HRK: variants seen among roughly 807,000 people sequenced by gnomAD.
The protein encoded by HRK is activator of apoptosis harakiri.
HRK carries 6 observed loss-of-function variants against 5.9 expected under a neutral mutation model. The observed-to-expected ratio is 1.02, with a 90% CI of 0.56 to 2.01. The LOEUF (loss-of-function observed/expected upper bound fraction) is 2.01, where lower values mean the gene tolerates loss of function less well. HRK is among the 30% of genes most tolerant of loss of function. The pLI, the probability that HRK is intolerant of heterozygous loss-of-function variation, is 0.00. For missense variants in HRK, 133 were observed against 128.3 expected, an observed-to-expected ratio of 1.04 and a Z score of -0.18; for synonymous variants, 85 against 65.1, an observed-to-expected ratio of 1.31 and a Z score of -1.47.
rs1484769067 is a variant in HRK at position 116,878,877 on chromosome 12, A to T, written c.*56+2099T>A. 6.6e-6 allele frequency among the ~76,000 whole-genome samples: 1 copy of T among 152,118 alleles called. No homozygotes were observed. Among genetic ancestry groups the T allele is most frequent in the East Asian group, 1.9e-4 (1 of 5,188 alleles). ...GGGCGGGGCGGGGGAAATAAACTCC[A>T]CAGAGACAATAACCTGCTGCTGCCC... On this transcript the variant is annotated intron_variant, in intron 1 of 1. Transcript: ENST00000257572. This position sits in a 1 kb window ranked among gnomAD's most constrained non-coding sequence, Gnocchi z 4.4.
At chr12:116,869,227 C>T (rs1878656316) in intron 1 of HRK, among the ~76,000 whole-genome samples, 1 of 152,084 alleles carries the variant, frequency 6.6e-6, no homozygotes, top group Non-Finnish European at 1.5e-5. Flanking sequence ...AGTGCTCTAC[C>T]CACCTCGGTC....
At chr12:116,877,450 G>T (rs927233104) in intron 1 of HRK, among the ~76,000 whole-genome samples, 1 of 152,172 alleles carries the variant, frequency 6.6e-6, no homozygotes, top group African/African-American at 2.4e-5. Flanking sequence ...CAGAGGTAAT[G>T]GTTCTTTCTC....
Position 116,879,785 on chromosome 12 carries a change from C to T in HRK, c.*56+1191G>A, listed in dbSNP as rs560817676. On this transcript the variant is annotated intron_variant, in intron 1 of 1. Coordinates refer to ENST00000257572, the MANE Select transcript of HRK (RefSeq NM_003806.4). The surrounding 1 kb of genome is among the most constrained non-coding windows in gnomAD (Gnocchi z 5.6). Reference sequence around the variant, plus strand: ...GCCTTTCCCCGCGGGCGCAGACGCTCGGGCCTCGCCTTCAGGCGCCGCTCC... The same window carrying T: ...GCCTTTCCCCGCGGGCGCAGACGCTTGGGCCTCGCCTTCAGGCGCCGCTCC... Among the ~76,000 whole-genome samples, 22 of 152,328 alleles carry T rather than the reference C, an allele frequency of 1.4e-4. No homozygotes were observed. Among genetic ancestry groups the T allele is most frequent in the African/African-American group, 5.3e-4 (22 of 41,598 alleles).
chr12:116,857,175 C>T lies in HRK; in HGVS notation c.*4348G>A, dbSNP rs1593000807. 2 of 152,238 alleles carry T rather than the reference C, an allele frequency of 1.3e-5. No homozygotes were observed. Among genetic ancestry groups the T allele is most frequent in the East Asian group, 3.8e-4 (2 of 5,198 alleles). 9.4% of individuals were successfully genotyped at this position (152,238 alleles called of 1,614,324 possible). A position where few individuals can be genotyped will look rare whatever the true frequency, so the allele number is the denominator to read the frequency against. ...CAGACTGGAAAGGAACATTTCACATCATCTGCTTCCGAGCAGGACTGCCCC... is the reference window on the plus strand; with the variant it reads ...CAGACTGGAAAGGAACATTTCACATTATCTGCTTCCGAGCAGGACTGCCCC... On this transcript the variant is annotated 3_prime_UTR_variant, in exon 2 of 2. Coordinates refer to ENST00000257572, the MANE Select transcript of HRK (RefSeq NM_003806.4).
intron 1 of HRK, among the ~76,000 whole-genome samples, chr12:116,863,975 T>C (rs1295368119): frequency 6.6e-6 from 1 of 152,192 alleles, no homozygotes; most frequent in Non-Finnish European, 1.5e-5. Context: ...GTGCTAGGAT[T>C]ACAGGTGTGC....
At position 116,862,766 on chromosome 12, in the gene HRK, C is replaced by G. The variant is rs1042628005; in HGVS notation, c.*57-1300G>C. Among the ~76,000 whole-genome samples, 6 of 152,244 alleles carry G rather than the reference C, an allele frequency of 3.9e-5. No homozygotes were observed. In the East Asian group the frequency reaches 5.8e-4, roughly 15 times the overall value. ...TTTGTTTTTGAGACAAGGTCTCGTT[C>G]TGTTGCCCAGGCTGGAGTGCAGTGG... On this transcript the variant is annotated intron_variant, in intron 1 of 1. Coordinates refer to ENST00000257572, the MANE Select transcript of HRK (RefSeq NM_003806.4). This position sits in a 1 kb window ranked among gnomAD's most constrained non-coding sequence, Gnocchi z 4.0.
chr12:116,857,998 G>A lies in HRK; in HGVS notation c.*3525C>T, dbSNP rs1409568084. The A allele has an allele frequency of 4.0e-5, 6 of 151,872 alleles. No homozygotes were observed. The highest frequency in any genetic ancestry group is 8.8e-5 in the Non-Finnish European group (6 of 68,080). The allele number at this position is 151,872 out of a possible 1,614,324, so 9.4% of individuals were successfully genotyped here. ...GAACCTGGGAGGTGGAGGTTGCAGTGAGCTGAGCTCGCACCACTGCACTCC... is the reference window on the plus strand; with the variant it reads ...GAACCTGGGAGGTGGAGGTTGCAGTAAGCTGAGCTCGCACCACTGCACTCC... On this transcript the variant is annotated 3_prime_UTR_variant, in exon 2 of 2. Coordinates refer to ENST00000257572, the MANE Select transcript of HRK (RefSeq NM_003806.4).
chr12:116,868,011 T>C (rs1878606876), intron 1 of HRK, among the ~76,000 whole-genome samples: 1 of 152,198 alleles, frequency 6.6e-6, no homozygotes, highest in South Asian at 2.1e-4. Flanking sequence ...AAGGGGTTTC[T>C]GACATTCATC....
chr12:116,874,369 C>G (rs1330216179), intron 1 of HRK, among the ~76,000 whole-genome samples: 1 of 152,188 alleles, frequency 6.6e-6, no homozygotes, highest in Non-Finnish European at 1.5e-5. Flanking sequence ...TTCTGTCATT[C>G]AAGTCCACTA....
rs1879082820 is a variant in HRK, at chr12:116,879,947, A to G, written c.*56+1029T>C. ...GGCTCAGCCTGATTCTCTCTCCCTC[A>G]TTCTCTGCAGCGCTCCTCGCTACTC... On this transcript the variant is annotated intron_variant, in intron 1 of 1. Coordinates refer to ENST00000257572, the MANE Select transcript of HRK (RefSeq NM_003806.4). The surrounding 1 kb of genome is among the most constrained non-coding windows in gnomAD (Gnocchi z 5.6). Among the ~76,000 whole-genome samples, 2 of 152,176 alleles carry G rather than the reference A, an allele frequency of 1.3e-5. No homozygotes were observed. Among genetic ancestry groups the G allele is most frequent in the South Asian group, 4.2e-4 (2 of 4,818 alleles).
chr12:116,869,776 T>C (rs1878679460), intron 1 of HRK: 1 of 152,240 alleles, frequency 6.6e-6, no homozygotes, highest in Admixed American at 6.5e-5. Context: ...TGAGCTATCT[T>C]TGAAAAATGG....
In HRK at chr12:116,859,796, C is replaced by T. The variant is rs1160730839; in HGVS notation, c.*1727G>A. The T allele has an allele frequency of 1.3e-5, 2 of 152,326 alleles. No individual in the cohort carries two copies. The highest frequency in any genetic ancestry group is 3.9e-4 in the East Asian group (2 of 5,188). 9.4% of individuals were successfully genotyped at this position (152,326 alleles called of 1,614,324 possible). On this transcript the variant is annotated 3_prime_UTR_variant, in exon 2 of 2. Coordinates refer to ENST00000257572, the MANE Select transcript of HRK (RefSeq NM_003806.4). ...AGACAGAAAGAAATCCAGCTCCCAG[C>T]TTGCAGCAGCACTGAGAGGTTGTAC...
At chr12:116,873,473 A>T (rs991501165) in intron 1 of HRK, among the ~76,000 whole-genome samples, 2 of 134,050 alleles carry the variant, frequency 1.5e-5, no homozygotes, top group Admixed American at 1.7e-4. Context: ...GGGCTCAAGC[A>T]ATCCTCCTAC....
At position 116,856,903 on chromosome 12, in the gene HRK, C is replaced by T. The variant is rs1206893453; in HGVS notation, c.*4620G>A. The T allele has an allele frequency of 1.3e-5, 2 of 152,230 alleles. No individual in the cohort carries two copies. The highest frequency in any genetic ancestry group is 4.8e-5 in the African/African-American group (2 of 41,450). The allele number at this position is 152,230 out of a possible 1,614,324, so 9.4% of individuals were successfully genotyped here. A position where few individuals can be genotyped will look rare whatever the true frequency, so the allele number is the denominator to read the frequency against. ...CTGCTAAAGTGGGCATGAGGCATCG[C>T]GGAGGGGAAGACGGGTAAAGCACTT... On this transcript the variant is annotated 3_prime_UTR_variant, in exon 2 of 2. Transcript: ENST00000257572. This position sits in a 1 kb window ranked among gnomAD's most constrained non-coding sequence, Gnocchi z 4.4.
At chr12:116,861,970 A>G (rs1347915971) in intron 1 of HRK, among the ~76,000 whole-genome samples, 1 of 152,206 alleles carries the variant, frequency 6.6e-6, no homozygotes, top group Non-Finnish European at 1.5e-5. Context: ...TACAGGTTCA[A>G]TGACGTAATT....
intron 1 of HRK, among the ~76,000 whole-genome samples, chr12:116,868,229 T>C (rs1305029869): frequency 6.7e-6 from 1 of 148,970 alleles, no homozygotes; most frequent in Non-Finnish European, 1.5e-5. Flanking sequence ...TAATGGGCAC[T>C]ACAGGAACAT....
intron 1 of HRK, among the ~76,000 whole-genome samples, chr12:116,877,455 T>G (rs938502099): frequency 2.0e-5 from 3 of 152,228 alleles, no homozygotes; most frequent in African/African-American, 7.2e-5. Flanking sequence ...GTAATGGTTC[T>G]TTCTCAAGGT....
At position 116,878,755 on chromosome 12, in the gene HRK, G is replaced by C. The variant is rs184964520; in HGVS notation, c.*56+2221C>G. On this transcript the variant is annotated intron_variant, in intron 1 of 1. Coordinates refer to ENST00000257572, the MANE Select transcript of HRK (RefSeq NM_003806.4). The surrounding 1 kb of genome is among the most constrained non-coding windows in gnomAD (Gnocchi z 4.4). Reference sequence around the variant, plus strand: ...GGGTGTGGCTGCAGGGGACGCCCGGGCGGGACAAGGCAGGTAGGAGAAGAA... The same window carrying C: ...GGGTGTGGCTGCAGGGGACGCCCGGCCGGGACAAGGCAGGTAGGAGAAGAA... 2.0e-5 allele frequency among the ~76,000 whole-genome samples: 3 copies of C among 152,360 alleles called. No homozygotes were observed. The East Asian group carries it at 5.8e-4, about 29-fold the overall frequency.
intron 1 of HRK, among the ~76,000 whole-genome samples, chr12:116,866,682 T>C (rs1470647159): frequency 6.6e-6 from 1 of 152,180 alleles, no homozygotes. Flanking sequence ...AGCTACTAGA[T>C]AGTGATTACT....
Sources: gnomAD v4.1 joint callset for allele counts (sites outside exome capture counted in the v4.1 genomes callset) on GRCh38, gnomAD v4.1.1 for gene constraint, Gnocchi (gnomAD v3.1) non-coding constraint, MANE v1.5 for transcripts, NCBI Gene and HGNC (gene_info 2026-07-23, HGNC 2026-07-21) for gene names.